The following WIF1 variants were observed in gnomAD, a reference collection of about 807,000 sequenced individuals.
The protein encoded by WIF1 is Wnt inhibitory factor 1.
In WIF1, 35 loss-of-function variants were observed where a neutral mutation model predicts 53.5. The observed-to-expected ratio is 0.65, with a 90% CI of 0.50 to 0.87. The LOEUF (loss-of-function observed/expected upper bound fraction) is 0.87. Among genes scored for constraint, WIF1 ranks in the 40% least tolerant of loss-of-function variants. The probability of loss-of-function intolerance (pLI) is 0.00; values close to 1 mark genes in which losing one functional copy is unlikely to be tolerated. For synonymous variants in WIF1, 171 were observed against 170.4 expected (o/e 1.00, Z -0.03); for missense variants, 467 against 476.8 (o/e 0.98, Z 0.19).
At chr12:65,120,031 A>C (rs932659140) in intron 2 of WIF1, among the ~76,000 whole-genome samples, 10 of 152,228 alleles carry the variant, frequency 6.6e-5, no homozygotes, top group Non-Finnish European at 1.2e-4. Context: ...AAACTTTAAA[A>C]TTTGTTGTAA....
intron 3 of WIF1, among the ~76,000 whole-genome samples, chr12:65,076,778 G>A (rs1301984903): frequency 6.6e-6 from 1 of 151,872 alleles, no homozygotes; most frequent in Non-Finnish European, 1.5e-5. Context: ...TAACAAATAA[G>A]GGAATGTGTA....
intron 2 of WIF1, among the ~76,000 whole-genome samples, chr12:65,114,610 TA>T (rs556386904): frequency 4.6e-4 from 70 of 152,342 alleles, no homozygotes; most frequent in Non-Finnish European, 8.2e-4. Context: ...GGAGCTACGC[TA>T]GTGTCACTAA....
chr12:65,102,681 G>C (rs1186737734), intron 2 of WIF1, among the ~76,000 whole-genome samples: 1 of 152,018 alleles, frequency 6.6e-6, no homozygotes, highest in Non-Finnish European at 1.5e-5. Flanking sequence ...TTCAGCTCAG[G>C]GCCTTGGACT....
At chr12:65,114,262 T>G (rs1344305043) in intron 2 of WIF1, among the ~76,000 whole-genome samples, 2 of 152,110 alleles carry the variant, frequency 1.3e-5, no homozygotes, top group Non-Finnish European at 1.5e-5. Flanking sequence ...AACGGGAAAC[T>G]TGAGAGTGCA....
chr12:65,057,142 G>A (rs1404800883), intron 7 of WIF1, among the ~76,000 whole-genome samples: 9 of 152,150 alleles, frequency 5.9e-5, no homozygotes, highest in Non-Finnish European at 1.3e-4. Context: ...ACAAAAGTGT[G>A]TTTGTGGGTG....
intron 2 of WIF1, among the ~76,000 whole-genome samples, chr12:65,119,447 A>C (rs1473743654): frequency 6.6e-6 from 1 of 152,260 alleles, no homozygotes; most frequent in Non-Finnish European, 1.5e-5. Flanking sequence ...GGTCATGTCT[A>C]TACCACAACA....
At position 65,119,957 on chromosome 12, in the gene WIF1, C is replaced by T. The variant is rs116034743; in HGVS notation, c.288+460G>A. Reference sequence around the variant, plus strand: ...TTCTACCAGAAATATGCAACATTCACGTTCCAGTGAATAACATTCAACATA... The same window carrying T: ...TTCTACCAGAAATATGCAACATTCATGTTCCAGTGAATAACATTCAACATA... On this transcript the variant is annotated intron_variant, in intron 2 of 9. Coordinates refer to ENST00000286574, the MANE Select transcript of WIF1 (RefSeq NM_007191.5). 7.0e-3 allele frequency among the ~76,000 whole-genome samples: 1,059 copies of T among 152,282 alleles called. 13 individuals are homozygous for T. The highest frequency in any genetic ancestry group is 0.024 in the African/African-American group (1,007 of 41,562).
chr12:65,099,992 T>C (rs899471637), intron 2 of WIF1, among the ~76,000 whole-genome samples: 6 of 152,108 alleles, frequency 3.9e-5, no homozygotes, highest in Non-Finnish European at 7.4e-5. Context: ...AGCATTTCTA[T>C]AAAAATAAAT....
intron 3 of WIF1, among the ~76,000 whole-genome samples, chr12:65,072,697 C>A (rs1315479206): frequency 6.6e-6 from 1 of 152,026 alleles, no homozygotes; most frequent in African/African-American, 2.4e-5. Context: ...AACATGCACT[C>A]AGAAAAACAG....
intron 2 of WIF1, among the ~76,000 whole-genome samples, chr12:65,092,763 A>T (rs566105951): frequency 7.9e-5 from 12 of 152,030 alleles, no homozygotes; most frequent in Non-Finnish European, 1.6e-4. Context: ...ATGAGCATGC[A>T]GCTCATGGGG....
intron 2 of WIF1, among the ~76,000 whole-genome samples, chr12:65,079,330 A>G (rs1882913603): frequency 6.6e-6 from 1 of 152,136 alleles, no homozygotes; most frequent in Non-Finnish European, 1.5e-5. Flanking sequence ...GAAAGTTTGA[A>G]TAGCCTTATG....
chr12:65,106,028 G>GC, intron 2 of WIF1, among the ~76,000 whole-genome samples: 1 of 152,292 alleles, frequency 6.6e-6, no homozygotes, highest in South Asian at 2.1e-4. Flanking sequence ...TGGACAGATT[G>GC]CACTCAAATC....
intron 2 of WIF1, among the ~76,000 whole-genome samples, chr12:65,106,654 T>G (rs143495989): frequency 6.6e-6 from 1 of 152,320 alleles, no homozygotes; most frequent in East Asian, 1.9e-4. Flanking sequence ...CCCAAAAATA[T>G]TTTTTAAACC....
chr12:65,112,540 C>T (rs369686960), intron 2 of WIF1, among the ~76,000 whole-genome samples: 1 of 151,548 alleles, frequency 6.6e-6, no homozygotes, highest in East Asian at 1.9e-4. Flanking sequence ...AAACTGTTGC[C>T]GACCCAACAC....
chr12:65,077,825 C>G lies in WIF1; in HGVS notation c.318G>C (p.Leu106Phe). 1 of 1,613,792 alleles carries G rather than the reference C, an allele frequency of 6.2e-7. No individual in the cohort carries two copies. Among genetic ancestry groups the G allele is most frequent in the Non-Finnish European group, 8.5e-7 (1 of 1,179,836 alleles). Residue 106 changes from leucine (L) to phenylalanine (F), a missense_variant, in exon 3 of 10, where the codon TTG (leucine) becomes TTC (phenylalanine). Coordinates refer to ENST00000286574, the MANE Select transcript of WIF1 (RefSeq NM_007191.5). ...CCATGATGCCTTTATCCAGGGAGCG[C>G]AAGGACAGGAATTCATAGAAGTATT... The part of the protein sequence containing the change: ...QAEYFYEFLS[L>F]RSLDKGIMAD...
At chr12:65,070,146 T>C (rs1023541909) in intron 3 of WIF1, among the ~76,000 whole-genome samples, 4 of 152,174 alleles carry the variant, frequency 2.6e-5, no homozygotes, top group Admixed American at 2.0e-4. Context: ...AAGCTGGTCA[T>C]ACAATTTCTC....
intron 2 of WIF1, among the ~76,000 whole-genome samples, chr12:65,095,268 T>C (rs1313277501): frequency 6.6e-6 from 1 of 152,008 alleles, no homozygotes; most frequent in African/African-American, 2.4e-5. Context: ...TTGGAACATA[T>C]TTGAAAGTTG....
At chr12:65,117,491 T>G (rs1211072770) in intron 2 of WIF1, among the ~76,000 whole-genome samples, 3 of 152,190 alleles carry the variant, frequency 2.0e-5, no homozygotes, top group Non-Finnish European at 1.5e-5. Context: ...GTCCCCCACC[T>G]TTTGGGCACC....
Position 65,077,776 on chromosome 12 carries a change from G to A in WIF1, c.367C>T (p.Leu123=). Reference sequence around the variant, plus strand: ...GCCTTGTGAGGCACTGTTCCCAGCAGAGGGACATTGACGGTTGGATCTGCC... The same window carrying A: ...GCCTTGTGAGGCACTGTTCCCAGCAAAGGGACATTGACGGTTGGATCTGCC... ...IMADPTVNVP[L]LGTVPHKASV... is the part of the protein sequence containing the mutation. The change falls in exon 3 of 10, where the codon CTG becomes TTG. Residue 123 remains leucine (L), a synonymous_variant. Transcript: ENST00000286574. The A allele has an allele frequency of 1.2e-6, 2 of 1,613,842 alleles. No homozygotes were observed. The highest frequency in any genetic ancestry group is 1.3e-5 in the African/African-American group (1 of 75,028).
Sources: gnomAD v4.1 joint callset for allele counts (sites outside exome capture counted in the v4.1 genomes callset) on GRCh38, gnomAD v4.1.1 for gene constraint, MANE v1.5 for transcripts, NCBI Gene and HGNC (gene_info 2026-07-23, HGNC 2026-07-21) for gene names.